HEATR4: variants seen among roughly 807,000 people sequenced by gnomAD.
HEATR4 encodes HEAT repeat-containing protein 4.
HEATR4 carries 95 observed loss-of-function variants against 108.8 expected under a neutral mutation model. The observed-to-expected ratio is 0.87, with a 90% CI of 0.74 to 1.04. The LOEUF (loss-of-function observed/expected upper bound fraction) is 1.04, where lower values mean the gene tolerates loss of function less well. Ranked by LOEUF, HEATR4 falls within the 50% of genes least tolerant of loss-of-function variation. HEATR4 has a pLI of 0.00. For missense variants in HEATR4, 1,152 were observed against 1,253.8 expected (o/e 0.92, Z 1.23); for synonymous variants, 443 against 459.4 (o/e 0.96, Z 0.46).
chr14:73,604,164 C>CTTTTATT, the HEATR4 span, among the ~76,000 whole-genome samples: 2 of 120,780 alleles, frequency 1.7e-5, no homozygotes, highest in African/African-American at 6.6e-5. Flanking sequence ...TTGCTAATTT[C>CTTTTATT]TTTTTTTTTT....
the HEATR4 span, chr14:73,593,688 AT>A: frequency 7.9e-5 from 125 of 1,588,526 alleles, no homozygotes; most frequent in African/African-American, 1.5e-3. Flanking sequence ...CATTTATAAT[AT>A]TTTGTTCTCT....
rs1335748231 is a variant in HEATR4 at position 73,492,696 on chromosome 14, G to A, written c.2844+370C>T. On this transcript the variant is annotated intron_variant, in intron 17 of 17. Transcript: ENST00000553558. The surrounding 1 kb of genome is among the most constrained non-coding windows in gnomAD (Gnocchi z 4.9). ...CAGGATGGGATAGCTCGGCTGGTGG[G>A]TGAGGGGGGCCATTTGTTTCTCTAT... is the stretch of plus-strand genomic sequence containing the variant. 2 of 1,614,012 alleles carry A rather than the reference G, an allele frequency of 1.2e-6. No individual in the cohort carries two copies. Among genetic ancestry groups the A allele is most frequent in the East Asian group, 4.5e-5 (2 of 44,890 alleles).
rs190457008 is a variant in HEATR4, at chr14:73,482,541, G to A, written c.2845-3699C>T. On this transcript the variant is annotated intron_variant, in intron 17 of 17. Transcript: ENST00000553558. ...CGAGACTCCATCTCAAACAAAAAAA[G>A]GGAAGCACAGGAGACTTTTTAAGGT... 2.4e-3 allele frequency among the ~76,000 whole-genome samples: 369 copies of A among 150,842 alleles called. 2 individuals are homozygous for A. Among genetic ancestry groups the A allele is most frequent in the African/African-American group, 8.5e-3 (351 of 41,146 alleles).
At chr14:73,595,425 G>A in the HEATR4 span, 2 of 1,614,210 alleles carry the variant, frequency 1.2e-6, no homozygotes, top group Non-Finnish European at 1.7e-6. Context: ...CAGGCCCATG[G>A]AAAGGAAAAA....
chr14:73,612,803 A>G, the HEATR4 span: 12 of 1,402,358 alleles, frequency 8.6e-6, no homozygotes, highest in Admixed American at 9.2e-5. Flanking sequence ...GCTCCAGCCC[A>G]TGGGGCTGCT....
Position 73,514,074 on chromosome 14 carries a change from G to A in HEATR4, c.1371C>T (p.Val457=). 6.2e-7 allele frequency: 1 copy of A among 1,614,112 alleles called. No individual in the cohort carries two copies. Among genetic ancestry groups the A allele is most frequent in the Non-Finnish European group, 8.5e-7 (1 of 1,180,016 alleles). The part of the protein sequence containing the change: ...LQEDVTWELV[V]LRRMLKEWKT... ...TCCATTCCTTCAGCATCCTCCGCAG[G>A]ACCACCAGTTCCCAGGTCACATCCT... is the stretch of plus-strand genomic sequence containing the variant. Residue 457 remains valine, a synonymous_variant, in exon 6 of 18, where the codon GTC becomes GTT. Coordinates refer to ENST00000553558, the MANE Select transcript of HEATR4 (RefSeq NM_001220484.1).
At chr14:73,548,404 C>T (rs1208790767) in intron 1 of HEATR4, among the ~76,000 whole-genome samples, 1 of 114,614 alleles carries the variant, frequency 8.7e-6, no homozygotes, top group African/African-American at 2.8e-5. Flanking sequence ...TGTCGGGTGG[C>T]GTGACCTGCT....
chr14:73,565,758 C>T, the HEATR4 span, among the ~76,000 whole-genome samples: 3 of 151,930 alleles, frequency 2.0e-5, no homozygotes, highest in Non-Finnish European at 4.4e-5. Flanking sequence ...AGCTACAGAC[C>T]TTGGTGGTGA....
At chr14:73,532,520 A>C (rs1888737096) in intron 1 of HEATR4, among the ~76,000 whole-genome samples, 1 of 114,434 alleles carries the variant, frequency 8.7e-6, no homozygotes, top group South Asian at 2.7e-4. Flanking sequence ...AGCTCATGCT[A>C]TTCAGGTGGT....
At chr14:73,556,759 A>C (rs554085964) in intron 1 of HEATR4, among the ~76,000 whole-genome samples, 1 of 114,882 alleles carries the variant, frequency 8.7e-6, no homozygotes, top group East Asian at 6.8e-4. Context: ...GAAACGTATG[A>C]AAGTTCTTTG....
At chr14:73,481,139 C>A (rs952318190) in intron 17 of HEATR4, among the ~76,000 whole-genome samples, 1 of 152,066 alleles carries the variant, frequency 6.6e-6, no homozygotes, top group Admixed American at 6.6e-5. Context: ...AGACATGAAC[C>A]TCTTCAAATG....
chr14:73,533,882 A>C (rs1296999756), intron 1 of HEATR4, among the ~76,000 whole-genome samples: 2 of 4,122 alleles, frequency 4.9e-4, no homozygotes, highest in Non-Finnish European at 2.4e-3. Context: ...CCCTGTCTCT[A>C]AAAAAAAAAA....
At chr14:73,524,823 T>C (rs1282050121) in intron 2 of HEATR4, among the ~76,000 whole-genome samples, 1 of 152,012 alleles carries the variant, frequency 6.6e-6, no homozygotes, top group African/African-American at 2.4e-5. Flanking sequence ...ATTCCATATG[T>C]TTCTATCCTG....
chr14:73,558,369 TG>T (rs1444004918), intron 1 of HEATR4, among the ~76,000 whole-genome samples: 2 of 95,112 alleles, frequency 2.1e-5, no homozygotes, highest in African/African-American at 3.6e-5. Flanking sequence ...TGCCTTGATT[TG>T]TTTTTTTTTT....
intron 2 of HEATR4, among the ~76,000 whole-genome samples, chr14:73,526,204 G>T (rs1392841704): frequency 4.6e-5 from 7 of 152,276 alleles, no homozygotes; most frequent in African/African-American, 1.7e-4. Context: ...GCACTACACT[G>T]AGCAGAATTC....
chr14:73,490,981 C>A, intron 17 of HEATR4: 1 of 1,323,272 alleles, frequency 7.6e-7, no homozygotes, highest in South Asian at 2.2e-5. Flanking sequence ...GCTTCGCCCC[C>A]GGCCGGCCGG....
chr14:73,568,419 C>T, the HEATR4 span, among the ~76,000 whole-genome samples: 3 of 151,336 alleles, frequency 2.0e-5, no homozygotes, highest in Non-Finnish European at 4.4e-5. Flanking sequence ...AAGCGCGATG[C>T]ATGGGGAGCT....
the HEATR4 span, among the ~76,000 whole-genome samples, chr14:73,584,390 A>C: frequency 1.3e-5 from 2 of 152,128 alleles, no homozygotes; most frequent in Non-Finnish European, 2.9e-5. Context: ...GGAGGCAAGA[A>C]CTGAAGTTGC....
chr14:73,623,872 G>C, the HEATR4 span, among the ~76,000 whole-genome samples: 3 of 152,046 alleles, frequency 2.0e-5, no homozygotes, highest in African/African-American at 7.2e-5. Context: ...CTCTCGCCAT[G>C]TGATCTGCAC....
Sources: gnomAD v4.1 joint callset for allele counts (sites outside exome capture counted in the v4.1 genomes callset) on GRCh38, gnomAD v4.1.1 for gene constraint, Gnocchi (gnomAD v3.1) non-coding constraint, MANE v1.5 for transcripts, NCBI Gene and HGNC (gene_info 2026-07-23, HGNC 2026-07-21) for gene names.